ADAMTSL1: variants seen among roughly 807,000 people sequenced by gnomAD.
ADAMTSL1 encodes ADAMTS-like protein 1.
In ADAMTSL1, 126 loss-of-function variants were observed where a neutral mutation model predicts 201.8. That is an observed-to-expected ratio of 0.62 (90% CI 0.54 to 0.72). The LOEUF (loss-of-function observed/expected upper bound fraction) is 0.72. Among genes scored for constraint, ADAMTSL1 ranks in the 30% least tolerant of loss-of-function variants. The probability of loss-of-function intolerance (pLI) is 0.00; values close to 1 mark genes in which losing one functional copy is unlikely to be tolerated. For missense variants in ADAMTSL1, 2,679 were observed against 2,277.8 expected, an observed-to-expected ratio of 1.18 and a Z score of -3.59; for synonymous variants, 1,121 against 903.4, an observed-to-expected ratio of 1.24 and a Z score of -4.32.
In ADAMTSL1 at chr9:18,805,062, T is replaced by A. The variant is rs186815664; in HGVS notation, c.3805+9538T>A. On this transcript the variant is annotated intron_variant, in intron 20 of 28. Coordinates refer to ENST00000380548, the MANE Select transcript of ADAMTSL1 (RefSeq NM_001040272.6). ...TTTGTGTTTTAAACTGATATTTGGA[T>A]CTTCCATGGATATCACAACTGTTTT... Among the ~76,000 whole-genome samples, 6 of 152,338 alleles carry A rather than the reference T, an allele frequency of 3.9e-5. No individual in the cohort carries two copies. In the East Asian group the frequency reaches 1.2e-3, roughly 29 times the overall value.
intron 1 of ADAMTSL1, among the ~76,000 whole-genome samples, chr9:18,158,734 A>G (rs1028459311): frequency 1.1e-4 from 17 of 152,038 alleles, no homozygotes; most frequent in African/African-American, 3.9e-4. Flanking sequence ...TTTCTGACTT[A>G]GGATATCAAT....
At chr9:18,222,168 G>A (rs1473159538) in intron 2 of ADAMTSL1, among the ~76,000 whole-genome samples, 1 of 151,384 alleles carries the variant, frequency 6.6e-6, no homozygotes, top group Non-Finnish European at 1.5e-5. Context: ...TTTTCTTTAT[G>A]TTCTAGAAGT....
intron 2 of ADAMTSL1, among the ~76,000 whole-genome samples, chr9:18,467,342 G>A (rs780845937): frequency 6.6e-6 from 1 of 152,146 alleles, no homozygotes; most frequent in Non-Finnish European, 1.5e-5. Context: ...TGCCACCACA[G>A]AGGAAAATAA....
chr9:18,068,342 A>G (rs1449213868), intron 1 of ADAMTSL1, among the ~76,000 whole-genome samples: 1 of 152,230 alleles, frequency 6.6e-6, no homozygotes, highest in African/African-American at 2.4e-5. Context: ...AATACAAATT[A>G]AAACAATACA....
At chr9:18,197,838 C>G (rs575736455) in intron 2 of ADAMTSL1, among the ~76,000 whole-genome samples, 1 of 152,016 alleles carries the variant, frequency 6.6e-6, no homozygotes, top group Admixed American at 6.6e-5. Flanking sequence ...GGAGGCATCA[C>G]ACTACCTGAC....
At chr9:18,817,354 C>CAAAG in intron 21 of ADAMTSL1, 117 bp downstream of exon 21, 2 of 1,047,516 alleles carry the variant, frequency 1.9e-6, no homozygotes, top group Non-Finnish European at 2.7e-6. Context: ...GTAGGAAAGC[C>CAAAG]AAAGCATGAA....
intron 2 of ADAMTSL1, among the ~76,000 whole-genome samples, chr9:18,440,624 C>T (rs11793618): frequency 0.078 from 11,794 of 150,464 alleles, 629 homozygotes; most frequent in Non-Finnish European, 0.12. Context: ...TTATATATAT[C>T]TTTAATTCAA....
chr9:18,545,355 C>T (rs1587519244), intron 3 of ADAMTSL1, among the ~76,000 whole-genome samples: 1 of 152,066 alleles, frequency 6.6e-6, no homozygotes, highest in Non-Finnish European at 1.5e-5. Context: ...CTCATTTCAC[C>T]ATAACACCAG....
chr9:18,342,372 C>A (rs1835500534), intron 2 of ADAMTSL1, among the ~76,000 whole-genome samples: 1 of 152,068 alleles, frequency 6.6e-6, no homozygotes, highest in South Asian at 2.1e-4. Flanking sequence ...AGACACTATT[C>A]TCAAGTATCA....
chr9:18,333,908 A>G (rs1199277564), intron 2 of ADAMTSL1, among the ~76,000 whole-genome samples: 1 of 152,170 alleles, frequency 6.6e-6, no homozygotes, highest in Non-Finnish European at 1.5e-5. Context: ...CCATGGCAGC[A>G]GGATATATAC....
chr9:17,987,663 A>G (rs894494684), intron 1 of ADAMTSL1, among the ~76,000 whole-genome samples: 6 of 152,096 alleles, frequency 3.9e-5, no homozygotes, highest in African/African-American at 1.4e-4. Context: ...GAAATAATTG[A>G]TTAACCATCA....
chr9:18,375,927 C>T (rs1423918220), intron 2 of ADAMTSL1, among the ~76,000 whole-genome samples: 6 of 151,822 alleles, frequency 4.0e-5, no homozygotes, highest in Non-Finnish European at 8.8e-5. Flanking sequence ...TTTTACAGAG[C>T]ACTGATTGGT....
At chr9:18,111,036 T>C (rs1770027156) in intron 1 of ADAMTSL1, among the ~76,000 whole-genome samples, 1 of 152,168 alleles carries the variant, frequency 6.6e-6, no homozygotes, top group African/African-American at 2.4e-5. Flanking sequence ...AAAATGATGC[T>C]CTCTCCATGT....
intron 23 of ADAMTSL1, among the ~76,000 whole-genome samples, chr9:18,859,204 A>T (rs557212705): frequency 7.2e-5 from 11 of 152,184 alleles, no homozygotes; most frequent in Non-Finnish European, 1.6e-4. Flanking sequence ...GCTAAAATCA[A>T]GATTGACCAA....
chr9:18,474,383 G>C (rs1821348545), intron 1 of ADAMTSL1, 88 bp downstream of exon 1: 9 of 1,279,608 alleles, frequency 7.0e-6, no homozygotes, highest in Non-Finnish European at 1.0e-5. Context: ...GTTTGTGTGT[G>C]TGTGTGTGTC....
At chr9:18,246,653 T>C (rs1433407512) in intron 2 of ADAMTSL1, among the ~76,000 whole-genome samples, 2 of 152,200 alleles carry the variant, frequency 1.3e-5, no homozygotes, top group African/African-American at 2.4e-5. Context: ...TTCAGAAAAA[T>C]TAAATTACTC....
chr9:18,706,176 G>A (rs1832218216), intron 13 of ADAMTSL1, among the ~76,000 whole-genome samples: 1 of 151,190 alleles, frequency 6.6e-6, no homozygotes, highest in African/African-American at 2.5e-5. Flanking sequence ...CTGGAATTGA[G>A]GATCCTCCCC....
chr9:18,636,822 T>C (rs1228836199), intron 6 of ADAMTSL1, among the ~76,000 whole-genome samples: 1 of 152,174 alleles, frequency 6.6e-6, no homozygotes, highest in Non-Finnish European at 1.5e-5. Context: ...AAGGCTTCAC[T>C]TCAGTTGGTT....
chr9:18,245,970 C>G (rs1308031481), intron 2 of ADAMTSL1, among the ~76,000 whole-genome samples: 1 of 152,070 alleles, frequency 6.6e-6, no homozygotes, highest in Admixed American at 6.6e-5. Flanking sequence ...TTAGCAGAGA[C>G]TACTGTTGCA....
Sources: gnomAD v4.1 joint callset for allele counts (sites outside exome capture counted in the v4.1 genomes callset) on GRCh38, gnomAD v4.1.1 for gene constraint, MANE v1.5 for transcripts, NCBI Gene and HGNC (gene_info 2026-07-23, HGNC 2026-07-21) for gene names.